The following TCN2 variants were observed in gnomAD, a reference collection of about 807,000 sequenced individuals.
TCN2 encodes the protein transcobalamin 2, also known as transcobalamin-2.
In TCN2, 34 loss-of-function variants were observed where a neutral mutation model predicts 48.6. The observed-to-expected ratio is 0.70, with a 90% CI of 0.53 to 0.93. The LOEUF (loss-of-function observed/expected upper bound fraction) is 0.93, where lower values mean the gene tolerates loss of function less well. Ranked by LOEUF, TCN2 falls within the 40% of genes least tolerant of loss-of-function variation. The probability of loss-of-function intolerance (pLI) is 0.00; values close to 1 mark genes in which losing one functional copy is unlikely to be tolerated. For synonymous variants in TCN2, 283 were observed against 212.5 expected, an observed-to-expected ratio of 1.33 and a Z score of -2.89; for missense variants, 652 against 526.1, an observed-to-expected ratio of 1.24 and a Z score of -2.34.
intron 7 of TCN2, chr22:30,617,859 T>C (rs956891791): frequency 1.1e-5 from 4 of 351,350 alleles, no homozygotes; most frequent in African/African-American, 4.2e-5. Flanking sequence ...GCATGTGCTT[T>C]TTATATGTGC....
At chr22:30,619,843 C>G (rs5749136) in intron 7 of TCN2, among the ~76,000 whole-genome samples, 129 of 152,254 alleles carry the variant, frequency 8.5e-4, no homozygotes, top group African/African-American at 3.1e-3. Flanking sequence ...TAGATGTGTA[C>G]TGATAATTTT....
At chr22:30,608,713 G>C (rs2087490309) in intron 1 of TCN2, among the ~76,000 whole-genome samples, 1 of 152,058 alleles carries the variant, frequency 6.6e-6, no homozygotes. Flanking sequence ...TCTCATCTGT[G>C]TTCCATAAAT....
In TCN2 at chr22:30,615,307, C is replaced by T. The variant is rs766558182; in HGVS notation, c.587C>T (p.Ala196Val). The T allele has an allele frequency of 1.2e-6, 2 of 1,614,226 alleles. No homozygotes were observed. Among genetic ancestry groups the T allele is most frequent in the African/African-American group, 2.7e-5 (2 of 75,068 alleles). ...FHQGHHSVDTAAMAGLAFTCL... is the reference protein window; with the variant it reads ...FHQGHHSVDTVAMAGLAFTCL... ...TTCTGTCCCCCACTTCAAGACACAGCAGCCATGGCAGGCTTGGCATTCACC... is the reference window on the plus strand; with the variant it reads ...TTCTGTCCCCCACTTCAAGACACAGTAGCCATGGCAGGCTTGGCATTCACC... Residue 196 changes from alanine (A) to valine (V), a missense_variant, in exon 5 of 9, where the codon GCA (alanine) becomes GTA (valine). Coordinates refer to ENST00000215838, the MANE Select transcript of TCN2 (RefSeq NM_000355.4).
chr22:30,625,803 C>A (rs754461636), intron 8 of TCN2, among the ~76,000 whole-genome samples: 1 of 152,152 alleles, frequency 6.6e-6, no homozygotes, highest in African/African-American at 2.4e-5. Flanking sequence ...AGGCTCTACT[C>A]TCATGACCTA....
chr22:30,621,096 G>A (rs540687534), intron 7 of TCN2, among the ~76,000 whole-genome samples: 4 of 152,084 alleles, frequency 2.6e-5, no homozygotes, highest in African/African-American at 9.7e-5. Flanking sequence ...GGGTTCAAGC[G>A]ATTCTCCTGC....
In TCN2 at chr22:30,615,424, C is replaced by T. The variant is rs765413082; in HGVS notation, c.704C>T (p.Thr235Ile). Residue 235 changes from threonine to isoleucine, a missense_variant, in exon 5 of 9, where the codon ACC becomes ATC. Thr to Ile is a moderately conservative substitution (Grantham distance 89). Coordinates refer to ENST00000215838, the MANE Select transcript of TCN2 (RefSeq NM_000355.4). ...CGAGAGGAGATCTTGAAGGCCCAGA[C>T]CCCCGAGGGCCACTTTGGGAATGTC... ...TVREEILKAQ[T>I]PEGHFGNVYS... is the part of the protein sequence containing the mutation. The T allele has an allele frequency of 3.1e-6, 5 of 1,614,060 alleles. No homozygotes were observed. The highest frequency in any genetic ancestry group is 2.7e-5 in the African/African-American group (2 of 74,922).
At position 30,622,889 on chromosome 22, in the gene TCN2, C is replaced by A. The variant is rs1205085557; in HGVS notation, c.1107-79C>A. On this transcript the variant is annotated intron_variant, in intron 7 of 8. Transcript: ENST00000215838. The stretch of plus-strand genomic sequence containing the variant: ...CCCAAAGAGCTTGGAAGGGATTTTG[C>A]TGCTGTGGGTGAGCACTGCCTCTCC... The A allele has an allele frequency of 2.8e-6, 4 of 1,450,402 alleles. No homozygotes were observed. In the South Asian group the frequency reaches 3.4e-5, roughly 12 times the overall value. The allele number at this position is 1,450,402 out of a possible 1,614,324, so 89.8% of individuals were successfully genotyped here.
chr22:30,624,957 C>T (rs1481121961), intron 8 of TCN2, among the ~76,000 whole-genome samples: 1 of 152,202 alleles, frequency 6.6e-6, no homozygotes, highest in Non-Finnish European at 1.5e-5. Flanking sequence ...TGGCTCATGC[C>T]TATAATTCCA....
rs200771616 is a variant in TCN2 at position 30,613,039 on chromosome 22, A to G, written c.424A>G (p.Ile142Val). The change falls in exon 3 of 9, where the codon ATT becomes GTT. Residue 142 changes from isoleucine to valine, a missense_variant. Transcript: ENST00000215838. ...GTTCCTGGAGGATGAGAAGAGAGCC[A>G]TTGGTGAGCAGACACCATCCGCTGG... is the stretch of plus-strand genomic sequence containing the variant. Reference protein sequence around the residue: ...KWFLEDEKRAIGHDHKGHPHT... With the variant: ...KWFLEDEKRAVGHDHKGHPHT... The G allele has an allele frequency of 9.7e-5, 157 of 1,613,942 alleles. 1 individual carries two copies. The East Asian group carries it at 3.4e-3, about 35-fold the overall frequency.
intron 1 of TCN2, chr22:30,610,142 G>A (rs552791699): frequency 2.2e-5 from 10 of 465,024 alleles, no homozygotes; most frequent in African/African-American, 1.4e-4. Flanking sequence ...GCACAGCTTC[G>A]AATAAATCCC....
At chr22:30,623,670 A>G (rs912971835) in intron 8 of TCN2, among the ~76,000 whole-genome samples, 2 of 150,312 alleles carry the variant, frequency 1.3e-5, no homozygotes, top group East Asian at 1.9e-4. Context: ...TAACTTAAAA[A>G]TTTCATATAT....
chr22:30,624,103 C>T (rs5753249), intron 8 of TCN2, among the ~76,000 whole-genome samples: 6,051 of 64,764 alleles, frequency 0.093, 2,083 homozygotes, highest in Non-Finnish European at 0.12. Flanking sequence ...GAGATGGAGT[C>T]TTGCTCTGTT....
rs1569036498 is a variant in TCN2, at chr22:30,607,413, ATCCTGTGCCTCTT to A, written c.64+23_64+35del. On this transcript the variant is annotated intron_variant, in intron 1 of 8. Coordinates refer to ENST00000215838, the MANE Select transcript of TCN2 (RefSeq NM_000355.4). ...GATGTGTGGTGAGTAACTCGCCTCT[ATCCTGTGCCTCTT>A]TCCTCCTGGGTCCTTAGTGGGGTGG... 6.2e-7 allele frequency: 1 copy of A among 1,613,848 alleles called. No homozygotes were observed. Among genetic ancestry groups the A allele is most frequent in the Non-Finnish European group, 8.5e-7 (1 of 1,179,800 alleles).
At chr22:30,621,280 A>G (rs2087693941) in intron 7 of TCN2, among the ~76,000 whole-genome samples, 1 of 152,028 alleles carries the variant, frequency 6.6e-6, no homozygotes, top group African/African-American at 2.4e-5. Flanking sequence ...GATGTGACCC[A>G]CCGCGCCCCA....
At position 30,626,866 on chromosome 22, in the gene TCN2, C is replaced by G; in HGVS notation, c.*345C>G. On this transcript the variant is annotated 3_prime_UTR_variant, in exon 9 of 9. Coordinates refer to ENST00000215838, the MANE Select transcript of TCN2 (RefSeq NM_000355.4). The stretch of plus-strand genomic sequence containing the variant: ...CCGCAGGCCGCAGGTGTTGTGAAGA[C>G]CACTCGTTCTGTGGTTGGGGTCCTG... 2.4e-6 allele frequency: 1 copy of G among 409,144 alleles called. No individual in the cohort carries two copies. The highest frequency in any genetic ancestry group is 4.6e-6 in the Non-Finnish European group (1 of 216,360). The allele number at this position is 409,144 out of a possible 1,614,324, so 25.3% of individuals were successfully genotyped here. A position where few individuals can be genotyped will look rare whatever the true frequency, so the allele number is the denominator to read the frequency against.
At chr22:30,615,256 C>G (rs757333809) in intron 4 of TCN2, 45 bp from the exon 5 acceptor site, 3 of 1,611,886 alleles carry the variant, frequency 1.9e-6, no homozygotes, top group Middle Eastern at 3.3e-4. Context: ...TGTCCTGGCC[C>G]CTTTGGCTCT....
At position 30,617,474 on chromosome 22, in the gene TCN2, C is replaced by G; in HGVS notation, c.1085C>G (p.Ala362Gly). 1 of 1,614,104 alleles carries G rather than the reference C, an allele frequency of 6.2e-7. No individual in the cohort carries two copies. The highest frequency in any genetic ancestry group is 1.1e-5 in the South Asian group (1 of 91,076). ...ACCGTGGAAGATGTCCTGAAGAAGGCCCATGAGTTAGGAGGATTCACGTGA... is the reference window on the plus strand; with the variant it reads ...ACCGTGGAAGATGTCCTGAAGAAGGGCCATGAGTTAGGAGGATTCACGTGA... The part of the protein sequence containing the change: ...GSTVEDVLKK[A>G]HELGGFTYET... Residue 362 changes from alanine (A) to glycine (G), a missense_variant, in exon 7 of 9, where the codon GCC (alanine) becomes GGC (glycine). Physicochemically the swap from Ala to Gly is moderately conservative, Grantham distance 60. Transcript: ENST00000215838.
At chr22:30,610,295 A>G (rs750132429) in intron 1 of TCN2, 20 of 470,970 alleles carry the variant, frequency 4.2e-5, no homozygotes, top group Admixed American at 1.4e-4. Flanking sequence ...GGCAGCCTCA[A>G]TTCACCAGCT....
chr22:30,626,235 C>T (rs1280919628), intron 8 of TCN2, among the ~76,000 whole-genome samples: 1 of 152,096 alleles, frequency 6.6e-6, no homozygotes, highest in East Asian at 1.9e-4. Context: ...GTGGCCCTGC[C>T]TGTCAGGTGT....
Sources: gnomAD v4.1 joint callset for allele counts (sites outside exome capture counted in the v4.1 genomes callset) on GRCh38, gnomAD v4.1.1 for gene constraint, MANE v1.5 for transcripts, NCBI Gene and HGNC (gene_info 2026-07-23, HGNC 2026-07-21) for gene names.